Variants in KLHL32 observed in about 807,000 individuals in gnomAD.
KLHL32 encodes the protein kelch like family member 32, also known as kelch-like protein 32.
In KLHL32, 35 loss-of-function variants were observed where a neutral mutation model predicts 64.8. The observed-to-expected ratio is 0.54, with a 90% CI of 0.41 to 0.72. KLHL32 has a LOEUF of 0.72. Among genes scored for constraint, KLHL32 ranks in the 30% least tolerant of loss-of-function variants. The probability of loss-of-function intolerance (pLI) is 0.00; values close to 1 mark genes in which losing one functional copy is unlikely to be tolerated. For synonymous variants in KLHL32, 259 were observed against 281.0 expected, an observed-to-expected ratio of 0.92 and a Z score of 0.78; for missense variants, 589 against 768.5, an observed-to-expected ratio of 0.77 and a Z score of 2.76.
At chr6:96,939,568 T>C (rs1771027894) in intron 1 of KLHL32, among the ~76,000 whole-genome samples, 1 of 152,082 alleles carries the variant, frequency 6.6e-6, no homozygotes, top group Non-Finnish European at 1.5e-5. Flanking sequence ...ACATGAGGCA[T>C]CAGTGAGGCA....
chr6:97,084,316 T>C (rs1793060755), intron 5 of KLHL32, among the ~76,000 whole-genome samples: 1 of 152,214 alleles, frequency 6.6e-6, no homozygotes, highest in Non-Finnish European at 1.5e-5. Context: ...ACTGTATCTC[T>C]GATTTTTGTG....
At chr6:96,918,245 T>C in the KLHL32 span, among the ~76,000 whole-genome samples, 1 of 152,220 alleles carries the variant, frequency 6.6e-6, no homozygotes, top group East Asian at 1.9e-4. Flanking sequence ...ACAGAGCTCA[T>C]AGGTAAAATA....
chr6:96,898,736 CCTT>C, the KLHL32 span, among the ~76,000 whole-genome samples: 1 of 152,022 alleles, frequency 6.6e-6, no homozygotes, highest in Non-Finnish European at 1.5e-5. Flanking sequence ...GTTACATTCA[CCTT>C]CTCCGTCTCT....
rs568477982 is a variant in KLHL32, at chr6:96,961,104, A to T, written c.-65-5892A>T. Among the ~76,000 whole-genome samples, 3 of 152,342 alleles carry T rather than the reference A, an allele frequency of 2.0e-5. No homozygotes were observed. In the East Asian group the frequency reaches 5.8e-4, roughly 29 times the overall value. On this transcript the variant is annotated intron_variant, in intron 1 of 10. Transcript: ENST00000369261. Reference sequence around the variant, plus strand: ...GTGAGCTTTGGAGGACTATTTCAAGACATAGCAAAGAAGACATATTTGGGG... The same window carrying T: ...GTGAGCTTTGGAGGACTATTTCAAGTCATAGCAAAGAAGACATATTTGGGG...
At chr6:97,001,173 T>C (rs1452870137) in intron 3 of KLHL32, among the ~76,000 whole-genome samples, 1 of 152,076 alleles carries the variant, frequency 6.6e-6, no homozygotes, top group Non-Finnish European at 1.5e-5. Flanking sequence ...AACGTAAACT[T>C]TGGATTTGGT....
At chr6:96,936,118 T>A (rs950435274) in intron 1 of KLHL32, among the ~76,000 whole-genome samples, 1 of 152,222 alleles carries the variant, frequency 6.6e-6, no homozygotes, top group African/African-American at 2.4e-5. Flanking sequence ...AGTAGGACCT[T>A]TATAGGCAGG....
At chr6:96,999,740 G>C (rs1217998445) in intron 3 of KLHL32, among the ~76,000 whole-genome samples, 1 of 151,978 alleles carries the variant, frequency 6.6e-6, no homozygotes, top group Non-Finnish European at 1.5e-5. Flanking sequence ...TATTACAGTA[G>C]CTATTGGTAC....
intron 1 of KLHL32, among the ~76,000 whole-genome samples, chr6:96,951,483 T>A (rs1166077149): frequency 5.9e-5 from 9 of 152,104 alleles, no homozygotes; most frequent in Non-Finnish European, 8.8e-5. Context: ...GTGGGGCATG[T>A]TGGACAGTGC....
At chr6:96,952,775 A>T (rs1197719093) in intron 1 of KLHL32, among the ~76,000 whole-genome samples, 2 of 152,192 alleles carry the variant, frequency 1.3e-5, no homozygotes, top group Non-Finnish European at 2.9e-5. Context: ...AGTTGTTCCC[A>T]TAGATAACAT....
rs373509903 is a variant in KLHL32, at chr6:97,132,683, A to G, written c.1637A>G (p.Asn546Ser). 7 of 1,612,950 alleles carry G rather than the reference A, an allele frequency of 4.3e-6. No individual in the cohort carries two copies. The highest frequency in any genetic ancestry group is 5.1e-6 in the Non-Finnish European group (6 of 1,179,420). The change falls in exon 10 of 11, where the codon AAT becomes AGT. Residue 546 changes from asparagine to serine, a missense_variant. Around this residue, in one of 3 missense-constraint regions of KLHL32, gnomAD observed 172 missense variants for 192.0 expected, o/e 0.90. Transcript: ENST00000369261. Reference protein sequence around the residue: ...GQNESGVAVHNGRIYLVGGYS... With the variant: ...GQNESGVAVHSGRIYLVGGYS... Reference sequence around the variant, plus strand: ...AATGAATCTGGAGTTGCTGTCCATAATGGGAGAATATATTTAGTTGGTGGA... The same window carrying G: ...AATGAATCTGGAGTTGCTGTCCATAGTGGGAGAATATATTTAGTTGGTGGA...
chr6:96,988,604 G>T (rs1318265733), intron 3 of KLHL32, among the ~76,000 whole-genome samples: 17 of 152,112 alleles, frequency 1.1e-4, no homozygotes, highest in Non-Finnish European at 4.4e-5. Context: ...CCATTACTGG[G>T]TATATACCCA....
intron 6 of KLHL32, among the ~76,000 whole-genome samples, chr6:97,096,011 A>C (rs1241525563): frequency 6.6e-6 from 1 of 152,180 alleles, no homozygotes; most frequent in African/African-American, 2.4e-5. Flanking sequence ...TTGGCTCATA[A>C]AATGAGGCCC....
chr6:97,094,109 T>C (rs1238241839), intron 6 of KLHL32, among the ~76,000 whole-genome samples: 2 of 152,232 alleles, frequency 1.3e-5, no homozygotes, highest in South Asian at 2.1e-4. Flanking sequence ...GGGTGAAAGA[T>C]ATAAATTTCT....
chr6:96,971,056 CT>C (rs1358719430), intron 2 of KLHL32, among the ~76,000 whole-genome samples: 1 of 151,706 alleles, frequency 6.6e-6, no homozygotes. Context: ...CTTTTTCTTT[CT>C]TGTGTAAAGT....
At position 97,138,038 on chromosome 6, in the gene KLHL32, C is replaced by T. The variant is rs114684102; in HGVS notation, c.1702-1083C>T. On this transcript the variant is annotated intron_variant, in intron 10 of 10. Transcript: ENST00000369261. Reference sequence around the variant, plus strand: ...ACAAACTTTCATTTTTTTAAAACACCAAATCCACGGGAGGCAAATGTTTAA... The same window carrying T: ...ACAAACTTTCATTTTTTTAAAACACTAAATCCACGGGAGGCAAATGTTTAA... Among the ~76,000 whole-genome samples the T allele has an allele frequency of 9.3e-3, 1,422 of 152,148 alleles. 22 individuals carry two copies. The highest frequency in any genetic ancestry group is 0.031 in the African/African-American group (1,299 of 41,508).
intron 2 of KLHL32, among the ~76,000 whole-genome samples, chr6:96,969,092 T>C (rs1206836124): frequency 6.6e-6 from 1 of 152,128 alleles, no homozygotes; most frequent in South Asian, 2.1e-4. Flanking sequence ...TTCCTCCTCA[T>C]CACAAACCCC....
intron 6 of KLHL32, among the ~76,000 whole-genome samples, chr6:97,085,996 C>G (rs1403034343): frequency 6.6e-6 from 1 of 152,134 alleles, no homozygotes; most frequent in African/African-American, 2.4e-5. Context: ...CTGCTCATCC[C>G]CAGTGACTAT....
At chr6:96,965,016 C>T (rs1277803770) in intron 1 of KLHL32, among the ~76,000 whole-genome samples, 1 of 152,144 alleles carries the variant, frequency 6.6e-6, no homozygotes, top group Non-Finnish European at 1.5e-5. Flanking sequence ...TTCTAGTTGT[C>T]CCCAATGTTT....
chr6:97,058,374 A>G (rs1410159978), intron 4 of KLHL32, among the ~76,000 whole-genome samples: 1 of 152,208 alleles, frequency 6.6e-6, no homozygotes, highest in African/African-American at 2.4e-5. Flanking sequence ...ATCCACAGAC[A>G]TGGGCCATCT....
Sources: allele counts gnomAD v4.1 joint callset (sites outside exome capture counted in the v4.1 genomes callset), GRCh38; gene constraint gnomAD v4.1.1; regional missense constraint gnomAD v4.1.1; transcripts MANE v1.5; gene names NCBI Gene and HGNC (gene_info 2026-07-23, HGNC 2026-07-21).